KLHL5: variants seen among roughly 807,000 people sequenced by gnomAD.
The protein encoded by KLHL5 is kelch like family member 5.
A neutral mutation model predicts 77.7 loss-of-function variants in KLHL5; 48 were observed. That is an observed-to-expected ratio of 0.62 (90% CI 0.49 to 0.79). The LOEUF (loss-of-function observed/expected upper bound fraction) is 0.79. Among genes scored for constraint, KLHL5 ranks in the 30% least tolerant of loss-of-function variants. The pLI, the probability that KLHL5 is intolerant of heterozygous loss-of-function variation, is 0.00. For missense variants in KLHL5, 723 were observed against 859.7 expected, an observed-to-expected ratio of 0.84 and a Z score of 1.99; for synonymous variants, 260 against 297.0, an observed-to-expected ratio of 0.88 and a Z score of 1.28.
chr4:39,132,620 AAAAG>A, the KLHL5 span, among the ~76,000 whole-genome samples: 20 of 152,096 alleles, frequency 1.3e-4, no homozygotes, highest in African/African-American at 4.8e-4. Context: ...AGAAAAAAAA[AAAAG>A]AAAGGAAAAG....
chr4:39,045,832 C>T (rs1201874148), intron 1 of KLHL5, among the ~76,000 whole-genome samples: 1 of 151,310 alleles, frequency 6.6e-6, no homozygotes, highest in Non-Finnish European at 1.5e-5. Flanking sequence ...CCCACCCCTG[C>T]ACCCTCCCAA....
intron 5 of KLHL5, among the ~76,000 whole-genome samples, chr4:39,094,421 TA>T (rs1012254505): frequency 6.6e-6 from 1 of 151,214 alleles, no homozygotes; most frequent in African/African-American, 2.4e-5. Context: ...CAAAAATTAA[TA>T]AAATTAATAA....
At position 39,105,642 on chromosome 4, in the gene KLHL5, A is replaced by T. The variant is rs188759019; in HGVS notation, c.1526-1927A>T. Among the ~76,000 whole-genome samples, 1,301 of 151,372 alleles carry T rather than the reference A, an allele frequency of 8.6e-3. 16 individuals are homozygous for T. Among genetic ancestry groups the T allele is most frequent in the African/African-American group, 0.03 (1,218 of 41,270 alleles). On this transcript the variant is annotated intron_variant, in intron 7 of 10. Transcript: ENST00000504108. ...TATTTTAATGTGTATTTATATGTTT[A>T]TATATATACACATATAAAATGTGTA...
At chr4:39,051,269 C>T (rs1716622922) in intron 1 of KLHL5, among the ~76,000 whole-genome samples, 1 of 152,056 alleles carries the variant, frequency 6.6e-6, no homozygotes, top group African/African-American at 2.4e-5. Flanking sequence ...GCGATAATCT[C>T]CTTTCTTCCT....
intron 4 of KLHL5, among the ~76,000 whole-genome samples, chr4:39,085,118 T>A (rs1560422591): frequency 6.6e-6 from 1 of 152,226 alleles, no homozygotes; most frequent in Admixed American, 6.5e-5. Flanking sequence ...AATGTCAGTA[T>A]GCAATTCAAT....
chr4:39,105,904 T>C (rs1721998955), intron 7 of KLHL5, among the ~76,000 whole-genome samples: 1 of 152,106 alleles, frequency 6.6e-6, no homozygotes, highest in Non-Finnish European at 1.5e-5. Context: ...AATTAAAATA[T>C]ATCTGTAATA....
At chr4:39,130,560 A>T (rs1723760027), downstream of KLHL5, among the ~76,000 whole-genome samples, 1 of 152,168 alleles carries the variant, frequency 6.6e-6, no homozygotes, top group African/African-American at 2.4e-5. Flanking sequence ...CAACTCAAAG[A>T]ATTTTAAAAT....
In KLHL5 at chr4:39,124,742, A is replaced by G. The variant is rs1301809094; in HGVS notation, c.*3676A>G. The stretch of plus-strand genomic sequence containing the variant: ...GAAGAAAATACAGGAATAAATCTTC[A>G]TGACCTTGGATTTGGCAATGGTTTC... On this transcript the variant is annotated 3_prime_UTR_variant, in exon 11 of 11. Coordinates refer to ENST00000504108, the MANE Select transcript of KLHL5 (RefSeq NM_015990.5). Among the ~76,000 whole-genome samples the G allele has an allele frequency of 1.4e-5, 2 of 142,908 alleles. No individual in the cohort carries two copies. Among genetic ancestry groups the G allele is most frequent in the African/African-American group, 2.5e-5 (1 of 39,546 alleles). 93.8% of individuals were successfully genotyped at this position (142,908 alleles called of 152,430 possible).
chr4:39,077,038 T>C (rs1719119314), intron 2 of KLHL5, among the ~76,000 whole-genome samples: 1 of 148,844 alleles, frequency 6.7e-6, no homozygotes, highest in Admixed American at 6.7e-5. Flanking sequence ...GACAAAGGAC[T>C]AATATCCAGA....
At chr4:39,065,669 A>G (rs1026223820) in intron 1 of KLHL5, among the ~76,000 whole-genome samples, 1 of 152,100 alleles carries the variant, frequency 6.6e-6, no homozygotes, top group African/African-American at 2.4e-5. Context: ...AATTTTTTAA[A>G]TATAACTTTG....
rs187130780 is a variant in KLHL5, at chr4:39,112,827, A to C, written c.1689-193A>C. On this transcript the variant is annotated intron_variant, in intron 8 of 10. Coordinates refer to ENST00000504108, the MANE Select transcript of KLHL5 (RefSeq NM_015990.5). ...GCAGTTTGTTTTCCTTTTCATGTAT[A>C]TACAGAGTGATATATGATACTTACA... The C allele has an allele frequency of 3.1e-4, 175 of 559,584 alleles. No homozygotes were observed. In the East Asian group the frequency reaches 4.3e-3, roughly 14 times the overall value. The allele number at this position is 559,584 out of a possible 1,614,324, so 34.7% of individuals were successfully genotyped here. A position where few individuals can be genotyped will look rare whatever the true frequency, so the allele number is the denominator to read the frequency against.
chr4:39,077,285 C>T (rs1486411317), intron 2 of KLHL5, among the ~76,000 whole-genome samples: 2 of 151,802 alleles, frequency 1.3e-5, no homozygotes, highest in Admixed American at 6.6e-5. Context: ...AGTGAAACCC[C>T]GTCTCTACTA....
chr4:39,090,667 T>G (rs1720447496), intron 5 of KLHL5, among the ~76,000 whole-genome samples: 1 of 152,126 alleles, frequency 6.6e-6, no homozygotes, highest in Admixed American at 6.5e-5. Flanking sequence ...CAGGCTGGTC[T>G]TGAACTCCTG....
intron 2 of KLHL5, among the ~76,000 whole-genome samples, chr4:39,080,662 AAG>A (rs879634065): frequency 2.0e-5 from 3 of 152,022 alleles, no homozygotes; most frequent in Non-Finnish European, 4.4e-5. Flanking sequence ...AATGCAGACT[AAG>A]ATAATAATAG....
At chr4:39,054,369 G>A (rs927971315) in intron 1 of KLHL5, among the ~76,000 whole-genome samples, 4 of 152,186 alleles carry the variant, frequency 2.6e-5, no homozygotes, top group Non-Finnish European at 5.9e-5. Flanking sequence ...TCTCACTTCA[G>A]TATCTTCATC....
chr4:39,062,684 A>G lies in KLHL5; in HGVS notation c.32A>G (p.Lys11Arg). ...GGTTCTCGTAAAGAGTTTGATGTGA[A>G]ACAGATTTTGAAAATCAGATGGAGG... Reference protein sequence around the residue: MSGSRKEFDVKQILKIRWRWF... With the variant: MSGSRKEFDVRQILKIRWRWF... The change falls in exon 1 of 11, where the codon AAA becomes AGA. Residue 11 changes from lysine (K) to arginine (R), a missense_variant. Lys to Arg is a conservative substitution (Grantham distance 26). Transcript: ENST00000504108. The G allele has an allele frequency of 6.2e-7, 1 of 1,614,168 alleles. No individual in the cohort carries two copies. Among genetic ancestry groups the G allele is most frequent in the East Asian group, 2.2e-5 (1 of 44,892 alleles).
chr4:39,059,578 C>G (rs888004618), upstream of KLHL5, among the ~76,000 whole-genome samples: 3 of 152,044 alleles, frequency 2.0e-5, no homozygotes, highest in Non-Finnish European at 2.9e-5. Context: ...GAAACCCCAT[C>G]TCTACTAAAA....
In KLHL5 at chr4:39,123,315, C is replaced by T. The variant is rs1138494; in HGVS notation, c.*2249C>T. Among the ~76,000 whole-genome samples the T allele has an allele frequency of 0.52, 79,804 of 152,032 alleles. 21,548 individuals carry two copies. Among genetic ancestry groups the T allele is most frequent in the Non-Finnish European group, 0.59 (40,430 of 67,968 alleles). ...AAGAAGAATTAACACTAATCCTTCT[C>T]GAACTCTCCCAAAAAATGGAAGAGA... On this transcript the variant is annotated 3_prime_UTR_variant, in exon 11 of 11. Coordinates refer to ENST00000504108, the MANE Select transcript of KLHL5 (RefSeq NM_015990.5).
At chr4:39,091,843 T>TGG (rs1553891346) in intron 5 of KLHL5, among the ~76,000 whole-genome samples, 4 of 64,860 alleles carry the variant, frequency 6.2e-5, no homozygotes, top group South Asian at 4.9e-4. Flanking sequence ...ATCTGACTAG[T>TGG]TTTTTTTTTT....
Sources: allele counts gnomAD v4.1 joint callset (sites outside exome capture counted in the v4.1 genomes callset), GRCh38; gene constraint gnomAD v4.1.1; transcripts MANE v1.5; gene names NCBI Gene and HGNC (gene_info 2026-07-23, HGNC 2026-07-21).